The following PRKCH variants were observed in gnomAD, a reference collection of about 807,000 sequenced individuals.
The protein encoded by PRKCH is protein kinase C eta type.
Under a neutral mutation model 82.5 loss-of-function variants are expected in PRKCH, and 28 were observed. That is an observed-to-expected ratio of 0.34 (90% confidence interval 0.25 to 0.47). PRKCH has a LOEUF of 0.47. PRKCH is among the 20% of genes least tolerant of loss of function. The pLI is 1.00. For synonymous variants in PRKCH, 322 were observed against 327.4 expected, an observed-to-expected ratio of 0.98 and a Z score of 0.18; for missense variants, 705 against 881.8, an observed-to-expected ratio of 0.80 and a Z score of 2.54.
intron 2 of PRKCH, among the ~76,000 whole-genome samples, chr14:61,430,254 A>G (rs1176150895): frequency 6.6e-6 from 1 of 152,238 alleles, no homozygotes; most frequent in Non-Finnish European, 1.5e-5. Flanking sequence ...TATGCAAATT[A>G]AGACCACAAT....
chr14:61,328,935 A>G (rs1193950419), intron 1 of PRKCH, among the ~76,000 whole-genome samples: 1 of 151,734 alleles, frequency 6.6e-6, no homozygotes, highest in Non-Finnish European at 1.5e-5. Flanking sequence ...GCAGTGAGCC[A>G]TGATCATGTC....
intron 1 of PRKCH, among the ~76,000 whole-genome samples, chr14:61,362,357 A>AC (rs1272488455): frequency 1.3e-5 from 2 of 151,466 alleles, no homozygotes; most frequent in East Asian, 3.9e-4. Context: ...AAAAAAAAAA[A>AC]AAGGAAACAA....
intron 1 of PRKCH, among the ~76,000 whole-genome samples, chr14:61,379,426 CA>C (rs1236010219): frequency 6.6e-6 from 1 of 152,218 alleles, no homozygotes; most frequent in Non-Finnish European, 1.5e-5. Flanking sequence ...GCAGACTGAG[CA>C]ATGAATAATT....
chr14:61,371,176 A>G (rs2046360608), intron 1 of PRKCH, among the ~76,000 whole-genome samples: 1 of 152,056 alleles, frequency 6.6e-6, no homozygotes, highest in Non-Finnish European at 1.5e-5. Flanking sequence ...AACATTTTAG[A>G]ACAGTTTTAG....
At chr14:61,267,844 GA>G (rs958064683) in intron 1 of PRKCH, among the ~76,000 whole-genome samples, 5 of 151,680 alleles carry the variant, frequency 3.3e-5, no homozygotes, top group Non-Finnish European at 5.9e-5. Context: ...GTACCACTAA[GA>G]AAAAAAATGC....
intron 1 of PRKCH, chr14:61,304,492 T>G (rs138338633): frequency 2.6e-5 from 4 of 152,290 alleles, no homozygotes; most frequent in East Asian, 1.9e-4. Context: ...AGCATTTGTT[T>G]ATCAGAAAAT....
In PRKCH at chr14:61,322,331, C is replaced by T. The variant is rs748723704; in HGVS notation, c.230C>T (p.Thr77Ile). The change falls in exon 1 of 14, where the codon ACC becomes ATC. Residue 77 changes from threonine to isoleucine, a missense_variant. Physicochemically the swap from Thr to Ile is moderately conservative, Grantham distance 89. Around this residue, in one of 5 missense-constraint regions of PRKCH, gnomAD observed 246 missense variants for 308.0 expected, o/e 0.80. Coordinates refer to ENST00000332981, the MANE Select transcript of PRKCH (RefSeq NM_006255.5). ...TYNEEFCANV[T>I]DGGHLELAVF... ...AACGAGGAGTTTTGCGCTAACGTCA[C>T]CGACGGCGGCCACCTCGAGTTGGCC... 4.0e-5 allele frequency: 65 copies of T among 1,613,346 alleles called. No individual in the cohort carries two copies. The Middle Eastern group carries it at 8.2e-4, about 20-fold the overall frequency.
At chr14:61,233,002 A>G (rs78180458) in intron 1 of PRKCH, among the ~76,000 whole-genome samples, 2,462 of 152,058 alleles carry the variant, frequency 0.016, 75 homozygotes, top group African/African-American at 0.057. Flanking sequence ...GTCCACCCCT[A>G]CTCTTCAGAC....
rs140456689 is a variant in PRKCH at position 61,265,950 on chromosome 14, C to T, written c.-19+78282C>T. Among the ~76,000 whole-genome samples the T allele has an allele frequency of 2.3e-4, 35 of 152,222 alleles. 1 individual carries two copies. In the East Asian group the frequency reaches 5.6e-3, roughly 24 times the overall value. On this transcript the variant is annotated intron_variant, in intron 1 of 3. Transcript: ENST00000555185. ...TCTCTACTAAAAATAAAAAAATTAG[C>T]CAAGCGTGGTGGCATGCGCCTGTAA...
chr14:61,217,726 T>C (rs1001506305), intron 1 of PRKCH, among the ~76,000 whole-genome samples: 1 of 152,128 alleles, frequency 6.6e-6, no homozygotes, highest in African/African-American at 2.4e-5. Context: ...ATTCTGGCAT[T>C]TGAAAGAATG....
At chr14:61,264,721 A>C (rs1594881060) in intron 1 of PRKCH, among the ~76,000 whole-genome samples, 1 of 152,212 alleles carries the variant, frequency 6.6e-6, no homozygotes, top group African/African-American at 2.4e-5. Flanking sequence ...CTCTGGCCCC[A>C]TCTGGAATCT....
chr14:61,237,116 G>A (rs901461081), intron 1 of PRKCH, among the ~76,000 whole-genome samples: 1 of 151,742 alleles, frequency 6.6e-6, no homozygotes, highest in Non-Finnish European at 1.5e-5. Flanking sequence ...AGTGGCAAGC[G>A]CCTGTGGTCC....
rs1225135252 is a variant in PRKCH at position 61,322,074 on chromosome 14, C to T, written c.-28C>T. 6.6e-7 allele frequency: 1 copy of T among 1,512,754 alleles called. No individual in the cohort carries two copies. Among genetic ancestry groups the T allele is most frequent in the South Asian group, 1.2e-5 (1 of 80,200 alleles). The allele number at this position is 1,512,754 out of a possible 1,614,324, so 93.7% of individuals were successfully genotyped here. A position where few individuals can be genotyped will look rare whatever the true frequency, so the allele number is the denominator to read the frequency against. ...TTCTCCCGCTGCGAAGCAGCGCGGC[C>T]CCCCGGGGCCGGGGCAGCGGCGCCG... On this transcript the variant is annotated 5_prime_UTR_variant, in exon 1 of 14. Coordinates refer to ENST00000332981, the MANE Select transcript of PRKCH (RefSeq NM_006255.5).
intron 1 of PRKCH, among the ~76,000 whole-genome samples, chr14:61,252,141 G>T (rs2044952162): frequency 6.6e-6 from 1 of 152,042 alleles, no homozygotes; most frequent in African/African-American, 2.4e-5. Flanking sequence ...CCCAGCCGAG[G>T]GTCTTATTTT....
rs118009850 is a variant in PRKCH at position 61,187,893 on chromosome 14, G to A, written c.-19+225G>A. ...TCTTTTCAGAGCCTTGGGCCCCACA[G>A]TGGTCTTTATCCTTCTCTGGCACAT... On this transcript the variant is annotated intron_variant, in intron 1 of 3. Coordinates refer to the PRKCH transcript ENST00000555185. Among the ~76,000 whole-genome samples the A allele has an allele frequency of 3.7e-3, 566 of 152,302 alleles. 1 individual carries two copies. Among genetic ancestry groups the A allele is most frequent in the Non-Finnish European group, 6.1e-3 (414 of 68,020 alleles).
At chr14:61,276,714 T>C (rs1205549819) in intron 1 of PRKCH, among the ~76,000 whole-genome samples, 2 of 82,472 alleles carry the variant, frequency 2.4e-5, no homozygotes, top group East Asian at 3.3e-4. Context: ...AAGGAACTAG[T>C]TGATGACCTT....
In PRKCH at chr14:61,441,134, A is replaced by G. The variant is rs539491065; in HGVS notation, c.428-1977A>G. 3.9e-5 allele frequency among the ~76,000 whole-genome samples: 6 copies of G among 152,190 alleles called. No individual in the cohort carries two copies. In the East Asian group the frequency reaches 1.2e-3, roughly 29 times the overall value. ...GACTGGTCTCCAATTCCTAGGCTCA[A>G]GTGATCTCCCACCTCAGCCTCCCAA... On this transcript the variant is annotated intron_variant, in intron 2 of 13. Transcript: ENST00000332981.
At chr14:61,473,676 C>G (rs1325085201) in intron 9 of PRKCH, among the ~76,000 whole-genome samples, 3 of 152,142 alleles carry the variant, frequency 2.0e-5, no homozygotes, top group African/African-American at 7.2e-5. Flanking sequence ...TCCATGTCCT[C>G]TTGGTAAGTG....
At chr14:61,502,477 C>T (rs1041526303) in intron 10 of PRKCH, among the ~76,000 whole-genome samples, 3 of 152,060 alleles carry the variant, frequency 2.0e-5, no homozygotes, top group South Asian at 2.1e-4. Context: ...GGCTTATAAA[C>T]GTTTATTGCA....
Sources: allele counts gnomAD v4.1 joint callset (sites outside exome capture counted in the v4.1 genomes callset), GRCh38; gene constraint gnomAD v4.1.1; regional missense constraint gnomAD v4.1.1; transcripts MANE v1.5; gene names NCBI Gene and HGNC (gene_info 2026-07-23, HGNC 2026-07-21).